The following ANKRD30BL variants were observed in gnomAD, a reference collection of about 807,000 sequenced individuals.
ANKRD30BL encodes putative ankyrin repeat domain-containing protein 30B-like.
ANKRD30BL carries 20 observed loss-of-function variants against 18.4 expected under a neutral mutation model. That is an observed-to-expected ratio of 1.09 (90% confidence interval 0.77 to 1.58). The LOEUF is 1.58. ANKRD30BL is among the 40% of genes most tolerant of loss of function. ANKRD30BL has a pLI of 0.00. For synonymous variants in ANKRD30BL, 72 were observed against 100.9 expected (o/e 0.71, Z 1.72); for missense variants, 224 against 268.6 (o/e 0.83, Z 1.16).
upstream of ANKRD30BL, among the ~76,000 whole-genome samples, chr2:132,163,833 A>T (rs1207060129): frequency 6.6e-6 from 1 of 152,220 alleles, no homozygotes; most frequent in Non-Finnish European, 1.5e-5. Flanking sequence ...CCAAGAATTG[A>T]AGACTTGAGT....
intron 1 of ANKRD30BL, among the ~76,000 whole-genome samples, chr2:132,248,929 A>T (rs539207274): frequency 6.6e-6 from 1 of 150,948 alleles, no homozygotes; most frequent in Non-Finnish European, 1.5e-5. Context: ...TTTCTCAGAA[A>T]CTTCTGTCAA....
rs1680460930 is a variant in ANKRD30BL, at chr2:132,245,162, A to T, written n.441+12367T>A. On this transcript the variant is annotated intron_variant and non_coding_transcript_variant, in intron 1 of 4. Transcript: ENST00000470729. ...GCTTTTTGATGTGTGTTTTCAACTC[A>T]AAGAGTTGAATCTTTCTTTCGATAG... 2.0e-5 allele frequency among the ~76,000 whole-genome samples: 3 copies of T among 152,366 alleles called. No individual in the cohort carries two copies. In the South Asian group the frequency reaches 6.2e-4, roughly 32 times the overall value.
chr2:132,191,737 ATTTTTTTTT>A lies in ANKRD30BL; in HGVS notation n.442-34600_442-34592del, dbSNP rs777830399. Among the ~76,000 whole-genome samples the A allele has an allele frequency of 8.2e-3, 913 of 111,898 alleles. 10 individuals are homozygous for A. Among genetic ancestry groups the A allele is most frequent in the African/African-American group, 0.03 (820 of 27,480 alleles). 73.4% of individuals were successfully genotyped at this position (111,898 alleles called of 152,430 possible). Reference sequence around the variant, plus strand: ...GTTTGACTTCTCACTATGGAGTTTGATTTTTTTTTTTTTTTTTTTTTGGAGATGGATTCT... The same window carrying A: ...GTTTGACTTCTCACTATGGAGTTTGATTTTTTTTTTTTGGAGATGGATTCT... On this transcript the variant is annotated intron_variant and non_coding_transcript_variant, in intron 1 of 4. Transcript: ENST00000470729.
chr2:132,231,508 G>A (rs547647786), intron 1 of ANKRD30BL, among the ~76,000 whole-genome samples: 2 of 152,216 alleles, frequency 1.3e-5, no homozygotes, highest in Non-Finnish European at 2.9e-5. Flanking sequence ...GAAGCAGGGC[G>A]ATGCATTGCC....
At chr2:132,203,649 G>A (rs1170286660) in intron 1 of ANKRD30BL, among the ~76,000 whole-genome samples, 1 of 151,782 alleles carries the variant, frequency 6.6e-6, no homozygotes, top group Non-Finnish European at 1.5e-5. Flanking sequence ...AAATACAATG[G>A]ATATTAGTGT....
At chr2:132,151,771 A>T (rs62165776) in intron 4 of ANKRD30BL, among the ~76,000 whole-genome samples, 43,722 of 151,602 alleles carry the variant, frequency 0.29, 10,003 homozygotes, top group African/African-American at 0.61. Context: ...GTAATGAAAT[A>T]TATTTATAAA....
intron 1 of ANKRD30BL, among the ~76,000 whole-genome samples, chr2:132,180,245 C>A (rs1008471263): frequency 7.1e-6 from 1 of 140,376 alleles, no homozygotes; most frequent in African/African-American, 2.7e-5. Flanking sequence ...TTTACTGCAC[C>A]TTTTCTATGA....
chr2:132,250,687 C>G (rs1680626326), intron 1 of ANKRD30BL, among the ~76,000 whole-genome samples: 1 of 152,196 alleles, frequency 6.6e-6, no homozygotes, highest in African/African-American at 2.4e-5. Context: ...AGCAGAAATG[C>G]AATACAATCT....
At chr2:132,224,170 T>A (rs1375357187) in intron 1 of ANKRD30BL, among the ~76,000 whole-genome samples, 1 of 152,150 alleles carries the variant, frequency 6.6e-6, no homozygotes, top group African/African-American at 2.4e-5. Flanking sequence ...TCTCAGAAAC[T>A]TCTTTGTGAT....
intron 1 of ANKRD30BL, among the ~76,000 whole-genome samples, chr2:132,189,402 C>T (rs1333360982): frequency 6.6e-6 from 1 of 151,884 alleles, no homozygotes; most frequent in African/African-American, 2.4e-5. Flanking sequence ...AAAATATCTC[C>T]TAGAATGTAG....
In ANKRD30BL at chr2:132,250,254, G is replaced by A. The variant is rs912669024; in HGVS notation, n.441+7275C>T. On this transcript the variant is annotated intron_variant and non_coding_transcript_variant, in intron 1 of 4. Coordinates refer to the ANKRD30BL transcript ENST00000470729. ...TCCAGACTGATCAAGGGAATGAAAC[G>A]TTTAACTCTGTGAGATGAATGCAGA... Among the ~76,000 whole-genome samples, 5 of 151,766 alleles carry A rather than the reference G, an allele frequency of 3.3e-5. 1 individual carries two copies. Among genetic ancestry groups the A allele is most frequent in the Admixed American group, 2.6e-4 (4 of 15,220 alleles).
At chr2:132,156,291 A>G (rs527865065) in intron 3 of ANKRD30BL, 2 of 152,328 alleles carry the variant, frequency 1.3e-5, no homozygotes, top group South Asian at 2.1e-4. Context: ...ATGAAGAAAA[A>G]TCATCATTTA....
rs1428022123 is a variant in ANKRD30BL at position 132,198,268 on chromosome 2, T to TTTC, written n.442-41123_442-41122insGAA. ...TAATTTACTATACCTTCTTTCTTTC[T>TTTC]TTTCTTTCTTTCTTTCTTTCTTTCT... On this transcript the variant is annotated intron_variant and non_coding_transcript_variant, in intron 1 of 4. Coordinates refer to the ANKRD30BL transcript ENST00000470729. Among the ~76,000 whole-genome samples, 171 of 109,782 alleles carry TTTC rather than the reference T, an allele frequency of 1.6e-3. 13 individuals are homozygous for TTTC. Among genetic ancestry groups the TTTC allele is most frequent in the African/African-American group, 4.9e-3 (100 of 20,216 alleles). 72.0% of individuals were successfully genotyped at this position (109,782 alleles called of 152,430 possible).
intron 1 of ANKRD30BL, among the ~76,000 whole-genome samples, chr2:132,173,083 A>T (rs977430616): frequency 7.2e-5 from 11 of 152,072 alleles, no homozygotes; most frequent in African/African-American, 2.7e-4. Flanking sequence ...TGTACCTTTG[A>T]TGTCATATCT....
chr2:132,240,627 A>G (rs571027923), intron 1 of ANKRD30BL, among the ~76,000 whole-genome samples: 1 of 151,686 alleles, frequency 6.6e-6, no homozygotes, highest in African/African-American at 2.4e-5. Flanking sequence ...GGATATAGGG[A>G]TACCTTTGAG....
intron 1 of ANKRD30BL, among the ~76,000 whole-genome samples, chr2:132,198,315 TC>T (rs1464047567): frequency 0.019 from 335 of 17,944 alleles, 12 homozygotes; most frequent in African/African-American, 0.038. Flanking sequence ...TTTCTTTCTT[TC>T]TTTCTTTCTT....
intron 1 of ANKRD30BL, among the ~76,000 whole-genome samples, chr2:132,218,320 G>T (rs1482475818): frequency 7.9e-5 from 12 of 152,238 alleles, no homozygotes; most frequent in African/African-American, 1.2e-4. Flanking sequence ...AGCATTCCCA[G>T]AAACTTCTTT....
intron 1 of ANKRD30BL, among the ~76,000 whole-genome samples, chr2:132,187,591 G>C (rs1358770806): frequency 6.6e-6 from 1 of 152,002 alleles, no homozygotes; most frequent in Non-Finnish European, 1.5e-5. Flanking sequence ...TGGGATTACA[G>C]ATGTGAGCCA....
chr2:132,192,453 T>C (rs1046103464), intron 1 of ANKRD30BL, among the ~76,000 whole-genome samples: 16 of 152,202 alleles, frequency 1.1e-4, no homozygotes, highest in Admixed American at 6.5e-4. Flanking sequence ...GAATTATATG[T>C]TGGACCTAGG....
Sources: allele counts gnomAD v4.1 joint callset (sites outside exome capture counted in the v4.1 genomes callset), GRCh38; gene constraint gnomAD v4.1.1; transcripts MANE v1.5; gene names NCBI Gene and HGNC (gene_info 2026-07-23, HGNC 2026-07-21).